Variants in NRXN3 observed in about 807,000 individuals in gnomAD.
NRXN3 encodes the protein neurexin III.
A neutral mutation model predicts 137.6 loss-of-function variants in NRXN3; 32 were observed. The observed-to-expected ratio is 0.23, with a 90% CI of 0.18 to 0.31. NRXN3 has a LOEUF of 0.31. Ranked by LOEUF, NRXN3 falls within the 10% of genes least tolerant of loss-of-function variation. NRXN3 has a pLI of 1.00. For synonymous variants in NRXN3, 798 were observed against 784.5 expected (o/e 1.02, Z -0.29); for missense variants, 1,574 against 2,062.5 (o/e 0.76, Z 4.59).
At chr14:78,911,052 TATTA>T (rs2099236019) in intron 10 of NRXN3, among the ~76,000 whole-genome samples, 1 of 152,238 alleles carries the variant, frequency 6.6e-6, no homozygotes, top group African/African-American at 2.4e-5. Context: ...CTAGACTTTA[TATTA>T]ATTAAGATAA....
chr14:78,990,114 A>G (rs117374426), intron 15 of NRXN3, among the ~76,000 whole-genome samples: 1 of 152,336 alleles, frequency 6.6e-6, no homozygotes, highest in East Asian at 1.9e-4. Flanking sequence ...ACATTGGGAA[A>G]ATGTCAGCTT....
chr14:79,523,946 A>G (rs573221600), intron 16 of NRXN3, among the ~76,000 whole-genome samples: 112 of 152,312 alleles, frequency 7.4e-4, no homozygotes, highest in African/African-American at 2.6e-3. Context: ...TGTGCCCTGA[A>G]GTTTCAAAGT....
intron 16 of NRXN3, among the ~76,000 whole-genome samples, chr14:79,507,174 GC>G (rs750265321): frequency 3.9e-5 from 6 of 152,156 alleles, no homozygotes; most frequent in Non-Finnish European, 4.4e-5. Context: ...TAACACGGAA[GC>G]TAACTTGGAA....
chr14:78,264,366 C>T (rs1384878056), intron 2 of NRXN3, among the ~76,000 whole-genome samples: 1 of 152,194 alleles, frequency 6.6e-6, no homozygotes, highest in Non-Finnish European at 1.5e-5. Flanking sequence ...TTGACTTCTC[C>T]ATGCTTCCTA....
intron 4 of NRXN3, among the ~76,000 whole-genome samples, chr14:78,471,586 G>A (rs557605520): frequency 6.6e-6 from 1 of 152,216 alleles, no homozygotes; most frequent in African/African-American, 2.4e-5. Flanking sequence ...ACCCTCCTGG[G>A]ACTATAATAA....
At chr14:78,268,859 T>G (rs1432917870) in intron 2 of NRXN3, among the ~76,000 whole-genome samples, 3 of 152,106 alleles carry the variant, frequency 2.0e-5, no homozygotes, top group East Asian at 3.9e-4. Flanking sequence ...TAGATAATAA[T>G]CCCTGCCACG....
intron 16 of NRXN3, chr14:79,570,593 G>A (rs1430501880): frequency 1.3e-5 from 2 of 152,190 alleles, no homozygotes; most frequent in African/African-American, 4.8e-5. Flanking sequence ...AGTCAGGTCA[G>A]GCCCTGAATC....
chr14:78,785,334 A>C (rs921155595), intron 8 of NRXN3, among the ~76,000 whole-genome samples: 3 of 152,174 alleles, frequency 2.0e-5, no homozygotes. Flanking sequence ...CGGCTCCAAG[A>C]GGAAAACTTT....
intron 4 of NRXN3, among the ~76,000 whole-genome samples, chr14:78,412,120 C>G (rs543309086): frequency 2.6e-5 from 4 of 152,292 alleles, no homozygotes; most frequent in Admixed American, 2.0e-4. Context: ...GTTAATGGTG[C>G]TCACTGATAG....
At chr14:78,268,757 A>C (rs958109340) in intron 2 of NRXN3, among the ~76,000 whole-genome samples, 1 of 152,194 alleles carries the variant, frequency 6.6e-6, no homozygotes, top group African/African-American at 2.4e-5. Flanking sequence ...AACAGTATCT[A>C]CATCAGTAGG....
intron 19 of NRXN3, among the ~76,000 whole-genome samples, chr14:79,718,033 CA>C (rs890105201): frequency 6.6e-6 from 1 of 152,108 alleles, no homozygotes; most frequent in Non-Finnish European, 1.5e-5. Context: ...GGAGTGGGGG[CA>C]GAGACTACCG....
chr14:79,357,249 T>A (rs932940087), intron 15 of NRXN3, among the ~76,000 whole-genome samples: 1 of 152,164 alleles, frequency 6.6e-6, no homozygotes, highest in Non-Finnish European at 1.5e-5. Context: ...TTTCTTTCTG[T>A]GTAACAAATG....
At chr14:79,450,918 A>C (rs969693195) in intron 15 of NRXN3, among the ~76,000 whole-genome samples, 8 of 152,268 alleles carry the variant, frequency 5.3e-5, no homozygotes, top group African/African-American at 1.9e-4. Context: ...TCAATAAACA[A>C]ATTTTCATAA....
rs146770811 is a variant in NRXN3, at chr14:78,266,401, C to T, written c.710-12244C>T. ...GCAACCTCTGACTCCCTGGTTCAAG[C>T]AATTCTTCCACCTCAGCTTCCTGAG... On this transcript the variant is annotated intron_variant, in intron 2 of 20. Coordinates refer to ENST00000335750, the MANE Select transcript of NRXN3 (RefSeq NM_001330195.2). 2.2e-3 allele frequency among the ~76,000 whole-genome samples: 338 copies of T among 152,106 alleles called. 1 individual carries two copies. Among genetic ancestry groups the T allele is most frequent in the African/African-American group, 7.6e-3 (314 of 41,500 alleles).
rs2049066301 is a variant in NRXN3 at position 79,091,057 on chromosome 14, A to G, written c.3262+102916A>G. Among the ~76,000 whole-genome samples, 2 of 142,440 alleles carry G rather than the reference A, an allele frequency of 1.4e-5. 1 individual carries two copies. Among genetic ancestry groups the G allele is most frequent in the South Asian group, 5.0e-4 (2 of 4,022 alleles). 93.4% of individuals were successfully genotyped at this position (142,440 alleles called of 152,430 possible). ...CTTTTCTGTGAGAAAACAGTACCAT[A>G]TAATCCTTTTGTCTCAGTAAAAAAA... is the stretch of plus-strand genomic sequence containing the variant. On this transcript the variant is annotated intron_variant, in intron 15 of 20. Transcript: ENST00000335750.
chr14:78,218,579 A>G (rs1462343934), intron 1 of NRXN3, among the ~76,000 whole-genome samples: 1 of 152,226 alleles, frequency 6.6e-6, no homozygotes, highest in African/African-American at 2.4e-5. Flanking sequence ...TCCTTCTAGA[A>G]TAAAGCAATA....
At chr14:79,235,803 T>C (rs1488189066) in intron 15 of NRXN3, among the ~76,000 whole-genome samples, 1 of 152,022 alleles carries the variant, frequency 6.6e-6, no homozygotes, top group Non-Finnish European at 1.5e-5. Flanking sequence ...TGTAAATCTG[T>C]AATGAATGAC....
intron 10 of NRXN3, among the ~76,000 whole-genome samples, chr14:78,868,714 A>G (rs2099093700): frequency 6.6e-6 from 1 of 151,984 alleles, no homozygotes; most frequent in Non-Finnish European, 1.5e-5. Flanking sequence ...CCAGCTACTC[A>G]GGAGCCTAAG....
intron 15 of NRXN3, among the ~76,000 whole-genome samples, chr14:79,359,930 A>T (rs1228633151): frequency 6.6e-6 from 1 of 152,204 alleles, no homozygotes; most frequent in Non-Finnish European, 1.5e-5. Context: ...TCAGAACTTA[A>T]TGAGAACAGA....
Sources: allele counts gnomAD v4.1 joint callset (sites outside exome capture counted in the v4.1 genomes callset), GRCh38; gene constraint gnomAD v4.1.1; transcripts MANE v1.5; gene names NCBI Gene and HGNC (gene_info 2026-07-23, HGNC 2026-07-21).